Variants in CCDC180 observed in about 807,000 individuals in gnomAD.
The protein encoded by CCDC180 is coiled-coil domain containing 180, also known as coiled-coil domain-containing protein 180.
Under a neutral mutation model 209.2 loss-of-function variants are expected in CCDC180, and 154 were observed. The ratio of observed to expected loss-of-function variants is 0.74; its 90% confidence interval spans 0.65 to 0.84. The LOEUF (loss-of-function observed/expected upper bound fraction) is 0.84, where lower values mean the gene tolerates loss of function less well. Ranked by LOEUF, CCDC180 falls within the 40% of genes least tolerant of loss-of-function variation. CCDC180 has a pLI of 0.00. For missense variants in CCDC180, 1,874 were observed against 1,997.3 expected, an observed-to-expected ratio of 0.94 and a Z score of 1.18; for synonymous variants, 778 against 749.1, an observed-to-expected ratio of 1.04 and a Z score of -0.63.
intron 29 of CCDC180, chr9:97,365,396 G>A: frequency 2.5e-6 from 1 of 399,258 alleles, no homozygotes. Flanking sequence ...AAGGCTGAGG[G>A]GGCATTAATC....
intron 18 of CCDC180, among the ~76,000 whole-genome samples, chr9:97,337,177 C>T (rs1220854319): frequency 1.3e-5 from 2 of 152,154 alleles, no homozygotes; most frequent in Non-Finnish European, 2.9e-5. Flanking sequence ...CCTGATTGCC[C>T]TGGCCAGAAC....
chr9:97,338,277 A>T (rs888786949), intron 18 of CCDC180, among the ~76,000 whole-genome samples: 1 of 151,978 alleles, frequency 6.6e-6, no homozygotes, highest in Non-Finnish European at 1.5e-5. Context: ...TAGATCTTTC[A>T]TGCTTTCTCT....
At chr9:97,308,518 G>A (rs1002288597) in intron 2 of CCDC180, among the ~76,000 whole-genome samples, 34 of 152,168 alleles carry the variant, frequency 2.2e-4, no homozygotes, top group African/African-American at 6.5e-4. Flanking sequence ...CCTTTTCTAT[G>A]CCCGTGGGCG....
chr9:97,343,357 G>A lies in CCDC180; in HGVS notation c.2292G>A (p.Glu764=), dbSNP rs781449857. The A allele has an allele frequency of 3.7e-6, 6 of 1,608,840 alleles. No individual in the cohort carries two copies. Among genetic ancestry groups the A allele is most frequent in the Admixed American group, 3.3e-5 (2 of 59,836 alleles). ...CTGCTTAGGAAGAAGACAAGGAAGAGGGTCTAGAGGAGATATACTATGAGG... is the reference window on the plus strand; with the variant it reads ...CTGCTTAGGAAGAAGACAAGGAAGAAGGTCTAGAGGAGATATACTATGAGG... ...LSVGEEEDKE[E]GLEEIYYEDM... is the part of the protein sequence containing the mutation. The change falls in exon 19 of 37, where the codon GAG becomes GAA. Residue 764 remains glutamate, a synonymous_variant. Transcript: ENST00000529487.
intron 32 of CCDC180, among the ~76,000 whole-genome samples, 183 bp from the exon 33 acceptor site, chr9:97,370,458 C>T (rs1316347278): frequency 2.6e-5 from 4 of 152,038 alleles, no homozygotes; most frequent in Non-Finnish European, 5.9e-5. Context: ...CTTCCAAACC[C>T]CCGAGTCAGC....
intron 15 of CCDC180, 71 bp downstream of exon 15, chr9:97,326,740 G>T (rs1833547508): frequency 1.0e-6 from 1 of 955,066 alleles, no homozygotes. Flanking sequence ...AGGGCAGCCT[G>T]CCCAAGAGCC....
rs534984969 is a variant in CCDC180 at position 97,366,515 on chromosome 9, G to C, written c.4048-44G>C. The stretch of plus-strand genomic sequence containing the variant: ...GTGGATCCCAGGAGCAAGGGCCAGA[G>C]TCCCATGGAGTCCTCACCCGCACAT... On this transcript the variant is annotated intron_variant, in intron 30 of 36. Coordinates refer to ENST00000529487, the MANE Select transcript of CCDC180 (RefSeq NM_020893.6). This position sits in a 1 kb window ranked among gnomAD's most constrained non-coding sequence, Gnocchi z 4.3. 6.2e-7 allele frequency: 1 copy of C among 1,600,452 alleles called. No homozygotes were observed. The highest frequency in any genetic ancestry group is 2.2e-5 in the East Asian group (1 of 44,746).
At chr9:97,349,450 CTG>C (rs1387832006) in intron 21 of CCDC180, among the ~76,000 whole-genome samples, 159 bp downstream of exon 21, 1 of 152,216 alleles carries the variant, frequency 6.6e-6, no homozygotes, top group Non-Finnish European at 1.5e-5. Flanking sequence ...AAGTCAAACT[CTG>C]TGTGGAATAT....
chr9:97,319,991 TC>T (rs1351896811), intron 10 of CCDC180, 134 bp from the exon 11 acceptor site: 77 of 711,358 alleles, frequency 1.1e-4, no homozygotes, highest in Non-Finnish European at 1.4e-4. Context: ...CACCAGGAAA[TC>T]CCCAGCAGTT....
intron 19 of CCDC180, chr9:97,345,666 G>A (rs1029353578): frequency 5.1e-6 from 2 of 390,344 alleles, no homozygotes; most frequent in Non-Finnish European, 5.0e-6. Context: ...CAGGAGAATC[G>A]CCTGAACCCA....
chr9:97,360,134 G>A (rs1370638055), intron 26 of CCDC180, 33 bp downstream of exon 26: 20 of 1,606,832 alleles, frequency 1.2e-5, no homozygotes, highest in African/African-American at 1.3e-5. Context: ...AGGAAAGGGT[G>A]GGTGAGCTGT....
At chr9:97,315,962 A>G (rs1833158590) in intron 8 of CCDC180, among the ~76,000 whole-genome samples, 1 of 152,176 alleles carries the variant, frequency 6.6e-6, no homozygotes, top group East Asian at 1.9e-4. Flanking sequence ...ACCTTCATAA[A>G]CCCATCATAA....
At chr9:97,363,781 T>G in intron 28 of CCDC180, 1 of 557,220 alleles carries the variant, frequency 1.8e-6, no homozygotes, top group Non-Finnish European at 3.4e-6. Flanking sequence ...TGCAAATTTC[T>G]GGGCCTGAGC....
chr9:97,360,177 G>A, intron 26 of CCDC180, 76 bp downstream of exon 26: 1 of 1,554,768 alleles, frequency 6.4e-7, no homozygotes, highest in Non-Finnish European at 8.7e-7. Context: ...GCAGGGCTCA[G>A]TAGAGCCAAA....
In CCDC180 at chr9:97,364,082, G is replaced by A. The variant is rs374776114; in HGVS notation, c.3934G>A (p.Glu1312Lys). The change falls in exon 29 of 37, where the codon GAG becomes AAG. Residue 1312 changes from glutamate to lysine, a missense_variant. Coordinates refer to ENST00000529487, the MANE Select transcript of CCDC180 (RefSeq NM_020893.6). ...ACCGCACCCCAAGCCCAACAAAATG[G>A]AGAGAAAGTACCGGGTGCTTGGGGA... Reference protein sequence around the residue: ...FTPHPKPNKMERKYRVLGDKP... With the variant: ...FTPHPKPNKMKRKYRVLGDKP... 2 of 1,614,004 alleles carry A rather than the reference G, an allele frequency of 1.2e-6. No homozygotes were observed. The highest frequency in any genetic ancestry group is 1.3e-5 in the African/African-American group (1 of 74,928).
At chr9:97,370,601 G>A (rs1173380730) in intron 32 of CCDC180, 40 bp from the exon 33 acceptor site, 9 of 1,606,964 alleles carry the variant, frequency 5.6e-6, no homozygotes, top group Non-Finnish European at 6.8e-6. Flanking sequence ...ACTTTTGGTG[G>A]GTTAACATTG....
chr9:97,320,903 T>C (rs898539866), intron 11 of CCDC180, among the ~76,000 whole-genome samples: 17 of 152,184 alleles, frequency 1.1e-4, no homozygotes, highest in African/African-American at 4.1e-4. Context: ...AACTTGGGAC[T>C]TTTCGACTTC....
intron 8 of CCDC180, among the ~76,000 whole-genome samples, chr9:97,315,445 C>G (rs1833137335): frequency 1.3e-5 from 2 of 152,190 alleles, no homozygotes; most frequent in Non-Finnish European, 1.5e-5. Flanking sequence ...CCTCTTGGCT[C>G]TGTCCCCACT....
intron 4 of CCDC180, 80 bp from the exon 5 acceptor site, chr9:97,313,156 T>G (rs1210539850): frequency 1.3e-5 from 11 of 869,352 alleles, no homozygotes; most frequent in Non-Finnish European, 2.1e-5. Flanking sequence ...CAGGCCTCAG[T>G]GTGCAGGGGC....
Sources: gnomAD v4.1 joint callset for allele counts (sites outside exome capture counted in the v4.1 genomes callset) on GRCh38, gnomAD v4.1.1 for gene constraint, Gnocchi (gnomAD v3.1) non-coding constraint, MANE v1.5 for transcripts, NCBI Gene and HGNC (gene_info 2026-07-23, HGNC 2026-07-21) for gene names.